NRG1: variants seen among roughly 807,000 people sequenced by gnomAD.
The protein encoded by NRG1 is neuregulin 1.
In NRG1, 18 loss-of-function variants were observed where a neutral mutation model predicts 63.8. The observed-to-expected ratio is 0.28, with a 90% CI of 0.19 to 0.42. The LOEUF is 0.42. Ranked by LOEUF, NRG1 falls within the 10% of genes least tolerant of loss-of-function variation. NRG1 has a pLI of 1.00. For missense variants in NRG1, 762 were observed against 814.7 expected (o/e 0.94, Z 0.79); for synonymous variants, 302 against 301.3 (o/e 1.00, Z -0.02).
At chr8:32,623,564 G>A (rs1297398698) in intron 5 of NRG1, among the ~76,000 whole-genome samples, 5 of 152,060 alleles carry the variant, frequency 3.3e-5, no homozygotes, top group African/African-American at 1.2e-4. Context: ...AATTCAAAAA[G>A]AAAATTGCCC....
At chr8:31,745,539 C>G (rs945741128) in intron 1 of NRG1, among the ~76,000 whole-genome samples, 1 of 151,874 alleles carries the variant, frequency 6.6e-6, no homozygotes, top group Non-Finnish European at 1.5e-5. Flanking sequence ...AATAGGAGAA[C>G]AAACTACTTT....
chr8:32,156,634 T>C (rs1838104365), intron 1 of NRG1, among the ~76,000 whole-genome samples: 2 of 152,358 alleles, frequency 1.3e-5, no homozygotes, highest in Middle Eastern at 6.8e-3. Context: ...GTTGGAACCA[T>C]AGAAGGCAAA....
chr8:32,174,548 G>A (rs1030052144), intron 1 of NRG1, among the ~76,000 whole-genome samples: 2 of 152,096 alleles, frequency 1.3e-5, no homozygotes, highest in Non-Finnish European at 2.9e-5. Context: ...TCCAGGAGCT[G>A]GTTTTCTGAA....
At chr8:32,459,139 A>G (rs1045726579) in intron 1 of NRG1, among the ~76,000 whole-genome samples, 4 of 152,190 alleles carry the variant, frequency 2.6e-5, no homozygotes, top group African/African-American at 9.7e-5. Context: ...CCAATTGAAC[A>G]TCGTCAGAAC....
chr8:32,239,901 T>C (rs1310704252), intron 1 of NRG1, among the ~76,000 whole-genome samples: 2 of 152,068 alleles, frequency 1.3e-5, no homozygotes, highest in Non-Finnish European at 1.5e-5. Context: ...AAAAGAGTAA[T>C]AATACCAATT....
At chr8:32,423,041 C>T (rs772176953) in intron 1 of NRG1, among the ~76,000 whole-genome samples, 2 of 152,282 alleles carry the variant, frequency 1.3e-5, no homozygotes, top group African/African-American at 2.4e-5. Context: ...AACTGCACTC[C>T]CCATGAAAGA....
At chr8:31,983,967 T>A (rs1809607510) in intron 1 of NRG1, among the ~76,000 whole-genome samples, 1 of 152,050 alleles carries the variant, frequency 6.6e-6, no homozygotes, top group Admixed American at 6.6e-5. Flanking sequence ...AATCACCTTT[T>A]GATATCGTTG....
intron 1 of NRG1, among the ~76,000 whole-genome samples, chr8:32,551,607 G>T (rs888551819): frequency 2.6e-5 from 4 of 152,196 alleles, no homozygotes; most frequent in Admixed American, 1.3e-4. Flanking sequence ...CAGAGCATCT[G>T]CACTTTTATA....
intron 5 of NRG1, among the ~76,000 whole-genome samples, chr8:32,725,809 T>C (rs968651813): frequency 3.3e-5 from 5 of 152,056 alleles, no homozygotes; most frequent in Non-Finnish European, 7.4e-5. Context: ...TTGCCGTGGA[T>C]GAAAATATTA....
chr8:31,835,173 A>G (rs945305066), intron 1 of NRG1, among the ~76,000 whole-genome samples: 3 of 152,170 alleles, frequency 2.0e-5, no homozygotes, highest in Non-Finnish European at 1.5e-5. Flanking sequence ...CAAATCTGTG[A>G]ACTAGGAATT....
intron 1 of NRG1, among the ~76,000 whole-genome samples, chr8:32,042,134 T>C (rs1242081083): frequency 6.6e-6 from 1 of 152,126 alleles, no homozygotes; most frequent in Admixed American, 6.6e-5. Flanking sequence ...ATAGTTGATA[T>C]TCTCGAATGA....
At chr8:31,978,612 T>G (rs1242774523) in intron 1 of NRG1, among the ~76,000 whole-genome samples, 1 of 152,168 alleles carries the variant, frequency 6.6e-6, no homozygotes, top group Non-Finnish European at 1.5e-5. Context: ...TAAACCCATG[T>G]GATGTTTAAT....
intron 1 of NRG1, among the ~76,000 whole-genome samples, chr8:32,037,402 A>G (rs1372729918): frequency 6.6e-6 from 1 of 152,196 alleles, no homozygotes; most frequent in Non-Finnish European, 1.5e-5. Context: ...CCGACTCAGG[A>G]GGAACAGGAT....
chr8:32,735,981 G>A (rs561380120), intron 6 of NRG1, among the ~76,000 whole-genome samples: 10 of 151,594 alleles, frequency 6.6e-5, no homozygotes, highest in African/African-American at 2.4e-4. Context: ...CTTATCTCAT[G>A]GATTGGAAAC....
intron 1 of NRG1, among the ~76,000 whole-genome samples, chr8:32,115,091 C>T (rs1204161393): frequency 6.6e-6 from 1 of 151,736 alleles, no homozygotes; most frequent in Non-Finnish European, 1.5e-5. Context: ...AGTGCAGTGG[C>T]ATGATCTTCG....
At chr8:31,831,556 A>G (rs980094045) in intron 1 of NRG1, among the ~76,000 whole-genome samples, 2 of 152,224 alleles carry the variant, frequency 1.3e-5, no homozygotes, top group Admixed American at 6.5e-5. Flanking sequence ...ATATATCCTT[A>G]TAATAGTCAT....
chr8:32,701,560 C>T lies in NRG1; in HGVS notation c.503-26389C>T, dbSNP rs530753135. On this transcript the variant is annotated intron_variant, in intron 5 of 11. Coordinates refer to ENST00000356819, the Ensembl canonical transcript of NRG1. ...TCAATGTGAGTAAGCCTGCATTTTT[C>T]AAAAGGTTTCATATCTTACAAACTC... Among the ~76,000 whole-genome samples, 241 of 152,218 alleles carry T rather than the reference C, an allele frequency of 1.6e-3. 8 individuals are homozygous for T. The highest frequency in any genetic ancestry group is 0.016 in the Admixed American group (240 of 15,298).
chr8:32,170,071 G>A (rs1360540797), intron 1 of NRG1, among the ~76,000 whole-genome samples: 1 of 152,214 alleles, frequency 6.6e-6, no homozygotes, highest in Non-Finnish European at 1.5e-5. Context: ...GAGGTTACCA[G>A]AAGCTGGAAG....
intron 1 of NRG1, among the ~76,000 whole-genome samples, chr8:32,136,036 G>T (rs1835475678): frequency 6.6e-6 from 1 of 152,128 alleles, no homozygotes; most frequent in South Asian, 2.1e-4. Context: ...GATGAGGGTG[G>T]TGTAGGGAGA....
Sources: gnomAD v4.1 joint callset for allele counts (sites outside exome capture counted in the v4.1 genomes callset) on GRCh38, gnomAD v4.1.1 for gene constraint, MANE v1.5 for transcripts, NCBI Gene and HGNC (gene_info 2026-07-23, HGNC 2026-07-21) for gene names.